Variants in TACC2 observed in about 807,000 individuals in gnomAD.
TACC2 encodes transforming acidic coiled-coil containing protein 2.
TACC2 carries 137 observed loss-of-function variants against 227.3 expected under a neutral mutation model. The observed-to-expected ratio is 0.60, with a 90% CI of 0.52 to 0.69. The LOEUF is 0.69. Among genes scored for constraint, TACC2 ranks in the 30% least tolerant of loss-of-function variants. TACC2 has a pLI of 0.00. For synonymous variants in TACC2, 1,523 were observed against 1,487.5 expected, an observed-to-expected ratio of 1.02 and a Z score of -0.55; for missense variants, 3,470 against 3,694.4, an observed-to-expected ratio of 0.94 and a Z score of 1.57.
intron 16 of TACC2, among the ~76,000 whole-genome samples, chr10:122,234,028 G>T (rs2095810372): frequency 6.6e-6 from 1 of 152,232 alleles, no homozygotes; most frequent in Admixed American, 6.5e-5. Context: ...GGTCCAGGTG[G>T]CTGTCATCTC....
chr10:122,053,316 C>T (rs1054294903), intron 3 of TACC2, among the ~76,000 whole-genome samples: 4 of 152,090 alleles, frequency 2.6e-5, no homozygotes, highest in East Asian at 1.9e-4. Context: ...CATCAGATCT[C>T]GTGAGACCCA....
chr10:122,202,062 C>T (rs1181840202), intron 8 of TACC2, among the ~76,000 whole-genome samples: 3 of 109,396 alleles, frequency 2.7e-5, no homozygotes, highest in Admixed American at 2.2e-4. Flanking sequence ...TTATTATTTT[C>T]GATGATGGCT....
chr10:122,203,484 G>T (rs1246298231), intron 8 of TACC2, among the ~76,000 whole-genome samples: 3 of 152,034 alleles, frequency 2.0e-5, no homozygotes, highest in African/African-American at 7.2e-5. Context: ...TCCCAGACGG[G>T]GCGGCTGCCG....
chr10:122,090,090 AACATGTTAGCAC>A (rs1206664962), intron 5 of TACC2, among the ~76,000 whole-genome samples: 1 of 151,708 alleles, frequency 6.6e-6, no homozygotes, highest in Non-Finnish European at 1.5e-5. Context: ...AGAGTCCTTA[AACATGTTAGCAC>A]CTTCTTGGAG....
chr10:122,133,311 G>T (rs1206602066), intron 6 of TACC2, among the ~76,000 whole-genome samples: 1 of 152,066 alleles, frequency 6.6e-6, no homozygotes, highest in East Asian at 1.9e-4. Flanking sequence ...ACTGATCACG[G>T]TTCTCCGTCT....
intron 3 of TACC2, among the ~76,000 whole-genome samples, chr10:122,064,550 T>C (rs2077184745): frequency 6.6e-6 from 1 of 152,250 alleles, no homozygotes; most frequent in African/African-American, 2.4e-5. Context: ...TTGGAGAGCC[T>C]ACTCTATAAC....
In TACC2 at chr10:121,990,050, T is replaced by A. The variant is rs1417483556; in HGVS notation, c.-46+562T>A. Among the ~76,000 whole-genome samples, 4 of 152,218 alleles carry A rather than the reference T, an allele frequency of 2.6e-5. No individual in the cohort carries two copies. In the East Asian group the frequency reaches 7.7e-4, roughly 29 times the overall value. On this transcript the variant is annotated intron_variant, in intron 1 of 22. Transcript: ENST00000369005. ...TCTCCAGACCTTTAATATTTTTTCA[T>A]ATTTTAAATATTTCTTTAATTCTGT... is the stretch of plus-strand genomic sequence containing the variant.
intron 5 of TACC2, chr10:122,127,239 C>T (rs1369371094): frequency 6.5e-6 from 1 of 152,676 alleles, no homozygotes; most frequent in Non-Finnish European, 1.5e-5. Context: ...CACAGTTCTC[C>T]TTTCTTTGGA....
intron 6 of TACC2, among the ~76,000 whole-genome samples, chr10:122,137,924 T>C (rs1443280545): frequency 6.6e-6 from 1 of 152,228 alleles, no homozygotes; most frequent in Non-Finnish European, 1.5e-5. Flanking sequence ...GTTTCTGATC[T>C]CTGACTTTGG....
At chr10:122,187,755 G>T (rs765555974) in intron 7 of TACC2, among the ~76,000 whole-genome samples, 1 of 152,130 alleles carries the variant, frequency 6.6e-6, no homozygotes, top group East Asian at 1.9e-4. Context: ...GGCTTCCAAA[G>T]TGCTGGGATT....
At chr10:122,221,770 C>T (rs906208332) in intron 11 of TACC2, among the ~76,000 whole-genome samples, 2 of 152,138 alleles carry the variant, frequency 1.3e-5, no homozygotes, top group African/African-American at 4.8e-5. Flanking sequence ...TCATTTTAGC[C>T]TACAAAATAT....
chr10:122,152,999 C>CTTTCTTTT (rs71026005), intron 7 of TACC2, among the ~76,000 whole-genome samples: 1 of 135,024 alleles, frequency 7.4e-6, no homozygotes, highest in Non-Finnish European at 1.6e-5. Context: ...TTCTTTCTTT[C>CTTTCTTTT]TTTTTTTTTT....
chr10:122,228,008 T>G lies in TACC2; in HGVS notation c.7896T>G (p.Ile2632Met). Reference protein sequence around the residue: ...GLGTPSEAIEITAPEGSFASA... With the variant: ...GLGTPSEAIEMTAPEGSFASA... ...GCACCCCTTCAGAAGCGATTGAAATTGTAAGTGGAGTTGGAGGGCCCCAGA... is the reference window on the plus strand; with the variant it reads ...GCACCCCTTCAGAAGCGATTGAAATGGTAAGTGGAGTTGGAGGGCCCCAGA... The change falls in exon 14 of 23, where the codon ATT (isoleucine) becomes ATG (methionine). Residue 2632 changes from isoleucine to methionine, a missense_variant and splice_region_variant. Coordinates refer to ENST00000369005, the MANE Select transcript of TACC2 (RefSeq NM_206862.4). 6.2e-7 allele frequency: 1 copy of G among 1,611,732 alleles called. No individual in the cohort carries two copies. The highest frequency in any genetic ancestry group is 8.5e-7 in the Non-Finnish European group (1 of 1,179,026).
At chr10:122,081,655 A>G (rs1331484979) in intron 3 of TACC2, among the ~76,000 whole-genome samples, 2 of 152,230 alleles carry the variant, frequency 1.3e-5, no homozygotes, top group Non-Finnish European at 2.9e-5. Context: ...TTCAAAATTC[A>G]GAGCCAAGTT....
intron 2 of TACC2, among the ~76,000 whole-genome samples, chr10:122,026,027 A>T (rs1055555333): frequency 6.6e-6 from 1 of 151,482 alleles, no homozygotes; most frequent in Non-Finnish European, 1.5e-5. Context: ...GCAAAAGAGT[A>T]TAATTTTGAG....
intron 16 of TACC2, 28 bp from the exon 17 acceptor site, chr10:122,237,364 GTTT>G: frequency 7.2e-7 from 1 of 1,384,458 alleles, no homozygotes; most frequent in Admixed American, 2.0e-5. Context: ...AATGCTAACT[GTTT>G]TTTTTTTAAT....
At chr10:121,990,145 C>A (rs1463234425) in intron 1 of TACC2, among the ~76,000 whole-genome samples, 1 of 151,416 alleles carries the variant, frequency 6.6e-6, no homozygotes, top group Non-Finnish European at 1.5e-5. Flanking sequence ...GGGTCTTGCT[C>A]TACTGCCCAG....
chr10:122,192,287 C>CAA, intron 7 of TACC2, among the ~76,000 whole-genome samples: 1 of 152,320 alleles, frequency 6.6e-6, no homozygotes, highest in South Asian at 2.1e-4. Context: ...CGATCGTGAA[C>CAA]GGCGGTCCCT....
chr10:122,088,507 T>A lies in TACC2; in HGVS notation c.5489T>A (p.Leu1830Ter). ...AGCCCCAGGCCTGGCCCATCCATGT[T>A]ACCTTCGGTTCCTAAGAAGGATGCT... ...RESPRPGPSM[L>*]PSVPKKDAPR... Residue 1830 changes from leucine (L) to a stop codon, truncating the protein, a stop_gained, in exon 5 of 23, where the codon TTA (leucine) becomes TAA (stop). Coordinates refer to ENST00000369005, the MANE Select transcript of TACC2 (RefSeq NM_206862.4). LOFTEE classifies it high-confidence loss of function. 6.2e-7 allele frequency: 1 copy of A among 1,613,660 alleles called. No individual in the cohort carries two copies.
Sources: allele counts gnomAD v4.1 joint callset (sites outside exome capture counted in the v4.1 genomes callset), GRCh38; gene constraint gnomAD v4.1.1; transcripts MANE v1.5; gene names NCBI Gene and HGNC (gene_info 2026-07-23, HGNC 2026-07-21).